Variants in RAPGEF1 observed in about 807,000 individuals in gnomAD.
RAPGEF1 encodes Rap guanine nucleotide exchange factor 1, also known as CRK SH3-binding GNRP.
In RAPGEF1, 33 loss-of-function variants were observed where a neutral mutation model predicts 143.3. The ratio of observed to expected loss-of-function variants is 0.23; its 90% CI spans 0.17 to 0.31. The LOEUF (loss-of-function observed/expected upper bound fraction) is 0.31. Among genes scored for constraint, RAPGEF1 ranks in the 10% least tolerant of loss-of-function variants. The probability of loss-of-function intolerance (pLI) is 1.00; values close to 1 mark genes in which losing one functional copy is unlikely to be tolerated. For synonymous variants in RAPGEF1, 629 were observed against 676.5 expected, an observed-to-expected ratio of 0.93 and a Z score of 1.09; for missense variants, 1,199 against 1,645.4, an observed-to-expected ratio of 0.73 and a Z score of 4.69.
At chr9:131,690,567 G>A (rs985619205) in intron 1 of RAPGEF1, among the ~76,000 whole-genome samples, 11 of 152,122 alleles carry the variant, frequency 7.2e-5, no homozygotes, top group Admixed American at 1.3e-4. Context: ...GGAGGCCAAG[G>A]AGGGCAGATC....
At chr9:131,686,278 CTTTA>C (rs1237221826) in intron 1 of RAPGEF1, among the ~76,000 whole-genome samples, 2 of 152,184 alleles carry the variant, frequency 1.3e-5, no homozygotes, top group African/African-American at 4.8e-5. Context: ...TCCAACAAAA[CTTTA>C]TTTATAAAAA....
At chr9:131,638,578 C>A in intron 5 of RAPGEF1, 57 bp downstream of exon 5, 1 of 1,590,522 alleles carries the variant, frequency 6.3e-7, no homozygotes, top group South Asian at 1.1e-5. Context: ...TGACAAGCAC[C>A]AGCAGGCAGG....
Position 131,710,358 on chromosome 9 carries a change from C to A in RAPGEF1, c.61+29412G>T, listed in dbSNP as rs377543161. On this transcript the variant is annotated intron_variant, in intron 1 of 26. Transcript: ENST00000683357. ...ACAAATACAGCTAAGAATTTATAAC[C>A]CCAAGCTCCAAACTCCCACTGCACT... is the stretch of plus-strand genomic sequence containing the variant. Among the ~76,000 whole-genome samples the A allele has an allele frequency of 7.2e-5, 11 of 152,238 alleles. No individual in the cohort carries two copies. The East Asian group carries it at 9.6e-4, about 13-fold the overall frequency.
intron 1 of RAPGEF1, among the ~76,000 whole-genome samples, chr9:131,659,858 G>C (rs1355086247): frequency 6.6e-6 from 1 of 151,876 alleles, no homozygotes; most frequent in Non-Finnish European, 1.5e-5. Context: ...TCGCTCTGTC[G>C]CCCAGGCTGG....
At chr9:131,707,218 T>C (rs1835137205) in intron 1 of RAPGEF1, among the ~76,000 whole-genome samples, 1 of 152,226 alleles carries the variant, frequency 6.6e-6, no homozygotes, top group Non-Finnish European at 1.5e-5. Context: ...TCTGCTTCAG[T>C]AAATACCGGT....
In RAPGEF1 at chr9:131,621,755, T is replaced by A; in HGVS notation, c.1905+41A>T. 3 of 1,550,910 alleles carry A rather than the reference T, an allele frequency of 1.9e-6. No homozygotes were observed. Among genetic ancestry groups the A allele is most frequent in the South Asian group, 1.2e-5 (1 of 85,406 alleles). The stretch of plus-strand genomic sequence containing the variant: ...GTCATTCTGGTTCCTAGAGACCTGC[T>A]AGGATCGGAAGTTCTAGTCACAAGG... On this transcript the variant is annotated intron_variant, in intron 11 of 26. Transcript: ENST00000683357. The surrounding 1 kb of genome is among the most constrained non-coding windows in gnomAD (Gnocchi z 4.5).
chr9:131,664,801 TAC>T (rs1464020397), intron 1 of RAPGEF1, among the ~76,000 whole-genome samples: 1 of 152,252 alleles, frequency 6.6e-6, no homozygotes, highest in East Asian at 1.9e-4. Context: ...TCATTTAATA[TAC>T]AGTTAGGTTT....
At chr9:131,721,206 A>G (rs976102646) in intron 1 of RAPGEF1, among the ~76,000 whole-genome samples, 6 of 152,172 alleles carry the variant, frequency 3.9e-5, no homozygotes, top group African/African-American at 1.2e-4. Flanking sequence ...AACGCGATAG[A>G]TGTTAATGAT....
rs1230021383 is a variant in RAPGEF1, at chr9:131,739,895, G to T, written c.-65C>A. On this transcript the variant is annotated 5_prime_UTR_variant, in exon 1 of 27. Coordinates refer to ENST00000683357, the MANE Select transcript of RAPGEF1 (RefSeq NM_001377935.1). The stretch of plus-strand genomic sequence containing the variant: ...GCGCCCGCCGCTCGCCTCGGCCCTG[G>T]CTCGCCACGCCTCAGACCCGCGCCG... The T allele has an allele frequency of 1.3e-4, 122 of 922,112 alleles. No homozygotes were observed. Among genetic ancestry groups the T allele is most frequent in the Non-Finnish European group, 1.5e-4 (115 of 774,474 alleles). The allele number at this position is 922,112 out of a possible 1,614,324, so 57.1% of individuals were successfully genotyped here.
chr9:131,608,845 C>T (rs1957541165), intron 12 of RAPGEF1, among the ~76,000 whole-genome samples: 1 of 152,176 alleles, frequency 6.6e-6, no homozygotes, highest in Admixed American at 6.5e-5. Flanking sequence ...CAGAGCAATA[C>T]TTCCAGCCCC....
At chr9:131,714,900 T>C (rs558600827) in intron 1 of RAPGEF1, among the ~76,000 whole-genome samples, 35 of 152,112 alleles carry the variant, frequency 2.3e-4, no homozygotes, top group African/African-American at 8.0e-4. Context: ...TTTGTAGAGA[T>C]AGCATCTTGC....
At chr9:131,638,581 C>CT in intron 5 of RAPGEF1, 54 bp downstream of exon 5, 1 of 1,595,204 alleles carries the variant, frequency 6.3e-7, no homozygotes, top group South Asian at 1.1e-5. Flanking sequence ...CAAGCACCAG[C>CT]AGGCAGGCTG....
chr9:131,642,259 T>C (rs534960122), intron 4 of RAPGEF1, among the ~76,000 whole-genome samples: 22 of 152,374 alleles, frequency 1.4e-4, no homozygotes, highest in African/African-American at 4.6e-4. Context: ...GCCGGCTCCA[T>C]GTCCCCTGCA....
intron 1 of RAPGEF1, among the ~76,000 whole-genome samples, chr9:131,706,523 G>T (rs1212308933): frequency 6.6e-6 from 1 of 152,118 alleles, no homozygotes; most frequent in African/African-American, 2.4e-5. Flanking sequence ...GCCTGCCTCG[G>T]CCTCCCAAAG....
At chr9:131,681,154 C>G (rs991220039) in intron 1 of RAPGEF1, among the ~76,000 whole-genome samples, 2 of 152,154 alleles carry the variant, frequency 1.3e-5, no homozygotes, top group Admixed American at 1.3e-4. Context: ...TATTTACCAG[C>G]TAAAGCTAAA....
At chr9:131,663,013 C>T (rs1829822200) in intron 1 of RAPGEF1, among the ~76,000 whole-genome samples, 1 of 152,078 alleles carries the variant, frequency 6.6e-6, no homozygotes, top group Non-Finnish European at 1.5e-5. Context: ...TACTGATGTG[C>T]TGAAAGAATA....
At chr9:131,716,714 A>G (rs1279794277) in intron 1 of RAPGEF1, among the ~76,000 whole-genome samples, 2 of 152,236 alleles carry the variant, frequency 1.3e-5, no homozygotes, top group Non-Finnish European at 2.9e-5. Context: ...CAGAGGTTGC[A>G]GTGAGCCAAG....
At chr9:131,719,830 G>A (rs1836136181) in intron 1 of RAPGEF1, among the ~76,000 whole-genome samples, 1 of 151,360 alleles carries the variant, frequency 6.6e-6, no homozygotes, top group African/African-American at 2.4e-5. Context: ...CAAAGTTAGG[G>A]GAATAGTTCA....
chr9:131,623,011 A>T (rs1171763348), intron 10 of RAPGEF1, among the ~76,000 whole-genome samples: 1 of 152,006 alleles, frequency 6.6e-6, no homozygotes, highest in Non-Finnish European at 1.5e-5. Context: ...CAGGTAATCC[A>T]CCTGGCTCGT....
Sources: gnomAD v4.1 joint callset for allele counts (sites outside exome capture counted in the v4.1 genomes callset) on GRCh38, gnomAD v4.1.1 for gene constraint, Gnocchi (gnomAD v3.1) non-coding constraint, MANE v1.5 for transcripts, NCBI Gene and HGNC (gene_info 2026-07-23, HGNC 2026-07-21) for gene names.